KAT2A: variants seen among roughly 807,000 people sequenced by gnomAD.
KAT2A encodes histone acetyltransferase KAT2A.
Under a neutral mutation model 95.2 loss-of-function variants are expected in KAT2A, and 42 were observed. The observed-to-expected ratio is 0.44, with a 90% CI of 0.34 to 0.57. The LOEUF (loss-of-function observed/expected upper bound fraction) is 0.57, where lower values mean the gene tolerates loss of function less well. Among genes scored for constraint, KAT2A ranks in the 20% least tolerant of loss-of-function variants. KAT2A has a pLI of 0.01. For synonymous variants in KAT2A, 449 were observed against 448.2 expected (o/e 1.00, Z -0.02); for missense variants, 784 against 1,126.3 (o/e 0.70, Z 4.35).
In KAT2A at chr17:42,113,809, C is replaced by T. The variant is rs372224302; in HGVS notation, c.2354G>A (p.Arg785His). The change falls in exon 18 of 18, where the codon CGC becomes CAC. Residue 785 changes from arginine to histidine, a missense_variant. By Grantham distance (29) the Arg-to-His change is conservative. This residue lies in a region of KAT2A where 195 missense variants were observed against 247.1 expected (regional missense o/e 0.79). Coordinates refer to ENST00000225916, the MANE Select transcript of KAT2A (RefSeq NM_021078.3). ...AAAGAGCTTCCGGGTCACGTAGTAG[C>T]GGCTTCGCAGCCGCTCAGTCATGGT... Reference protein sequence around the residue: ...LKTMTERLRSRYYVTRKLFVA... With the variant: ...LKTMTERLRSHYYVTRKLFVA... 1.5e-5 allele frequency: 24 copies of T among 1,600,810 alleles called. No homozygotes were observed. Among genetic ancestry groups the T allele is most frequent in the African/African-American group, 5.4e-5 (4 of 73,778 alleles).
In KAT2A at chr17:42,117,295, A is replaced by T; in HGVS notation, c.1637+93T>A. 6.5e-7 allele frequency: 1 copy of T among 1,547,562 alleles called. No homozygotes were observed. Among genetic ancestry groups the T allele is most frequent in the Non-Finnish European group, 8.9e-7 (1 of 1,128,276 alleles). ...CAAAGGATGAACCTCAGAAGTGGGG[A>T]GCAGGGGATCCCCAATTTTGAGGAG... On this transcript the variant is annotated intron_variant, in intron 10 of 17. Coordinates refer to ENST00000225916, the MANE Select transcript of KAT2A (RefSeq NM_021078.3). The surrounding 1 kb of genome is among the most constrained non-coding windows in gnomAD (Gnocchi z 8.9).
At chr17:42,113,928 A>C in intron 17 of KAT2A, 72 bp downstream of exon 17, 2 of 1,478,994 alleles carry the variant, frequency 1.4e-6, no homozygotes, top group Non-Finnish European at 1.8e-6. Context: ...CTGGGGCTGC[A>C]GGGCGCAGTG....
chr17:42,114,446 A>C lies in KAT2A; in HGVS notation c.2134+44T>G. 5.6e-6 allele frequency: 9 copies of C among 1,612,996 alleles called. No individual in the cohort carries two copies. The highest frequency in any genetic ancestry group is 1.1e-5 in the South Asian group (1 of 91,058). ...CTCTAAGAATGCCAGTCCACACCCC[A>C]AGCATCGTGCCCCCACTACCCTGCA... On this transcript the variant is annotated intron_variant, in intron 14 of 17. Coordinates refer to ENST00000225916, the MANE Select transcript of KAT2A (RefSeq NM_021078.3). The surrounding 1 kb of genome is among the most constrained non-coding windows in gnomAD (Gnocchi z 6.0).
In KAT2A at chr17:42,113,777, C is replaced by A. The variant is rs1555665209; in HGVS notation, c.2386G>T (p.Asp796Tyr). 2 of 1,610,144 alleles carry A rather than the reference C, an allele frequency of 1.2e-6. No homozygotes were observed. The highest frequency in any genetic ancestry group is 2.2e-5 in the East Asian group (1 of 44,706). Residue 796 changes from aspartate to tyrosine, a missense_variant, in exon 18 of 18, where the codon GAC becomes TAC. Physicochemically the swap from Asp to Tyr is radical, Grantham distance 160. Coordinates refer to ENST00000225916, the MANE Select transcript of KAT2A (RefSeq NM_021078.3). The stretch of plus-strand genomic sequence containing the variant: ...CAGTTGGCGATGACCCGCTGCAGGT[C>A]GGCCACAAAGAGCTTCCGGGTCACG... ...YYVTRKLFVA[D>Y]LQRVIANCRE...
intron 7 of KAT2A, 57 bp downstream of exon 7, chr17:42,118,240 G>C: frequency 7.5e-7 from 1 of 1,341,492 alleles, no homozygotes; most frequent in South Asian, 1.2e-5. Flanking sequence ...TTCCACCCAG[G>C]AGGCTTAGCT....
chr17:42,120,879 G>T (rs782131973), intron 1 of KAT2A, 50 bp from the exon 2 acceptor site: 1 of 1,574,180 alleles, frequency 6.4e-7, no homozygotes, highest in Non-Finnish European at 8.6e-7. Context: ...GGCAAGAGCC[G>T]CTCCGCAGCC....
Position 42,120,724 on chromosome 17 carries a change from T to A in KAT2A, c.445A>T (p.Ser149Cys). ...GCCTTACCCAAGGGGTGCTCACAAC[T>A]GCGGCACAGCTCACTCAGGTTGGCA... The part of the protein sequence containing the change: ...PAANLSELCR[S>C]CEHPLADHVS... Residue 149 changes from serine (S) to cysteine (C), a missense_variant, in exon 2 of 18, where the codon AGT (serine) becomes TGT (cysteine). Physicochemically the swap from Ser to Cys is moderately radical, Grantham distance 112 (BLOSUM62 -1). Around this residue, in one of 6 missense-constraint regions of KAT2A, gnomAD observed 208 missense variants for 339.7 expected, o/e 0.61. Coordinates refer to ENST00000225916, the MANE Select transcript of KAT2A (RefSeq NM_021078.3). The A allele has an allele frequency of 6.2e-7, 1 of 1,614,104 alleles. No individual in the cohort carries two copies. The highest frequency in any genetic ancestry group is 8.5e-7 in the Non-Finnish European group (1 of 1,180,032).
rs1204999241 is a variant in KAT2A at position 42,121,254 on chromosome 17, C to T, written c.51G>A (p.Arg17=). The change falls in exon 1 of 18, where the codon CGG becomes CGA. Residue 17 remains arginine, a synonymous_variant. Transcript: ENST00000225916. ...GGGCAGGGGCTGGGGACTGAAGGGG[C>T]CGGGGCTGCGCAGCCGGGGCCGGGG... ...APTPAPAAQP[R]PLQSPAPAPT... 1.5e-6 allele frequency: 2 copies of T among 1,360,032 alleles called. No homozygotes were observed. Among genetic ancestry groups the T allele is most frequent in the African/African-American group, 3.1e-5 (2 of 64,624 alleles). 84.2% of individuals were successfully genotyped at this position (1,360,032 alleles called of 1,614,324 possible).
chr17:42,120,375 A>C lies in KAT2A; in HGVS notation c.464-5T>G, dbSNP rs2054318746. On this transcript the variant is annotated splice_polypyrimidine_tract_variant and splice_region_variant and intron_variant, in intron 2 of 17. Coordinates refer to ENST00000225916, the MANE Select transcript of KAT2A (RefSeq NM_021078.3). ...CCAAGTGGGATACGTGGTCAGCTGCAAGACAGATGGCAGAGTTAGGAAAAA... is the reference window on the plus strand; with the variant it reads ...CCAAGTGGGATACGTGGTCAGCTGCCAGACAGATGGCAGAGTTAGGAAAAA... 1.9e-6 allele frequency: 3 copies of C among 1,613,998 alleles called. No individual in the cohort carries two copies. The highest frequency in any genetic ancestry group is 1.7e-5 in the Admixed American group (1 of 59,998).
intron 7 of KAT2A, 49 bp from the exon 8 acceptor site, chr17:42,118,066 G>GAA: frequency 7.7e-7 from 1 of 1,303,268 alleles, no homozygotes; most frequent in Non-Finnish European, 1.1e-6. Context: ...GCTGAGGAGA[G>GAA]AGAGAGAGAA....
chr17:42,118,167 G>A (rs2054289392), intron 7 of KAT2A, 130 bp downstream of exon 7: 1 of 817,566 alleles, frequency 1.2e-6, no homozygotes, highest in Non-Finnish European at 2.0e-6. Context: ...AGGGACTGGG[G>A]GGGCTGAAGC....
rs782262359 is a variant in KAT2A, at chr17:42,117,919, C to T, written c.1279G>A (p.Glu427Lys). The T allele has an allele frequency of 8.1e-6, 13 of 1,603,792 alleles. No homozygotes were observed. The highest frequency in any genetic ancestry group is 1.3e-5 in the African/African-American group (1 of 74,736). Residue 427 changes from glutamate to lysine, a missense_variant, in exon 8 of 18, where the codon GAG (glutamate) becomes AAG (lysine). Physicochemically the swap from Glu to Lys is moderately conservative, Grantham distance 56. Coordinates refer to ENST00000225916, the MANE Select transcript of KAT2A (RefSeq NM_021078.3). This position sits in a 1 kb window ranked among gnomAD's most constrained non-coding sequence, Gnocchi z 8.9. ...SSLSLDSAGA[E>K]PMPGEKRTLP... ...GTCAAGTATCCACCTGGCATAGGCT[C>T]GGCCCCTGCAGAATCCAGACTCAGG...
Position 42,117,420 on chromosome 17 carries a change from A to G in KAT2A, c.1605T>C (p.Pro535=). ...AGACGAGGCGGGCGATATACTCCTT[A>G]GGCATGCGCGGCAGCTGGTGGGAAA... ...NVFSHQLPRM[P]KEYIARLVFD... is the part of the protein sequence containing the mutation. The change falls in exon 10 of 18, where the codon CCT becomes CCC. Residue 535 remains proline, a synonymous_variant. Transcript: ENST00000225916. This position sits in a 1 kb window ranked among gnomAD's most constrained non-coding sequence, Gnocchi z 8.9. 6.2e-7 allele frequency: 1 copy of G among 1,613,608 alleles called. No individual in the cohort carries two copies. The highest frequency in any genetic ancestry group is 8.5e-7 in the Non-Finnish European group (1 of 1,179,946).
In KAT2A at chr17:42,119,744, A is replaced by C; in HGVS notation, c.700-26T>G. 3 of 1,571,518 alleles carry C rather than the reference A, an allele frequency of 1.9e-6. No individual in the cohort carries two copies. Among genetic ancestry groups the C allele is most frequent in the Non-Finnish European group, 2.6e-6 (3 of 1,157,136 alleles). ...CTGAGAAGGGGTGGGTGGGGGATAA[A>C]ACCAGGAATGAGGTGTGAGCAGCCC... On this transcript the variant is annotated intron_variant, in intron 4 of 17. Coordinates refer to ENST00000225916, the MANE Select transcript of KAT2A (RefSeq NM_021078.3). The surrounding 1 kb of genome is among the most constrained non-coding windows in gnomAD (Gnocchi z 5.3).
rs782241709 is a variant in KAT2A, at chr17:42,114,404, G to A, written c.2135-10C>T. The A allele has an allele frequency of 6.2e-7, 1 of 1,613,948 alleles. No individual in the cohort carries two copies. The highest frequency in any genetic ancestry group is 8.5e-7 in the Non-Finnish European group (1 of 1,179,926). On this transcript the variant is annotated splice_polypyrimidine_tract_variant and intron_variant, in intron 14 of 17. Transcript: ENST00000225916. The surrounding 1 kb of genome is among the most constrained non-coding windows in gnomAD (Gnocchi z 6.0). ...TTCCAGCCTGTCTCTCCTGCAAAGT[G>A]GGAAGTGGGAGAATGTCTCTAAGAA...
rs369233541 is a variant in KAT2A at position 42,118,175 on chromosome 17, A to G, written c.1180+122T>C. 1,922 of 847,720 alleles carry G rather than the reference A, an allele frequency of 2.3e-3. 34 individuals carry two copies. In the South Asian group the frequency reaches 0.029, roughly 13 times the overall value. The allele number at this position is 847,720 out of a possible 1,614,324, so 52.5% of individuals were successfully genotyped here. ...AGAAGGCAGGGACTGGGGGGGCTGA[A>G]GCCGGTGGCAGGTCCCTCAGTGGGA... On this transcript the variant is annotated intron_variant, in intron 7 of 17. Transcript: ENST00000225916.
chr17:42,121,139 C>T lies in KAT2A; in HGVS notation c.166G>A (p.Gly56Ser), dbSNP rs2144045103. ...PAPAPAAAPA[G>S]STGTGGPGVG... Reference sequence around the variant, plus strand: ...CCGGGCCCCCCAGTCCCTGTGCTGCCGGCTGGGGCTGCAGCTGGGGCAGGG... The same window carrying T: ...CCGGGCCCCCCAGTCCCTGTGCTGCTGGCTGGGGCTGCAGCTGGGGCAGGG... Residue 56 changes from glycine to serine, a missense_variant, in exon 1 of 18, where the codon GGC (glycine) becomes AGC (serine). Transcript: ENST00000225916. 2.0e-6 allele frequency: 3 copies of T among 1,485,790 alleles called. No individual in the cohort carries two copies. The highest frequency in any genetic ancestry group is 2.7e-6 in the Non-Finnish European group (3 of 1,114,172). 92.0% of individuals were successfully genotyped at this position (1,485,790 alleles called of 1,614,324 possible). A position where few individuals can be genotyped will look rare whatever the true frequency, so the allele number is the denominator to read the frequency against.
In KAT2A at chr17:42,121,055, G is replaced by C. The variant is rs782223606; in HGVS notation, c.250C>G (p.Gln84Glu). 6.3e-7 allele frequency: 1 copy of C among 1,582,116 alleles called. No homozygotes were observed. Residue 84 changes from glutamine to glutamate, a missense_variant, in exon 1 of 18, where the codon CAG becomes GAG. By Grantham distance (29) the Gln-to-Glu change is conservative. Coordinates refer to ENST00000225916, the MANE Select transcript of KAT2A (RefSeq NM_021078.3). ...GCCTTCCTCTGACTGGCGCGCTGCTGCTGGCTCAGGCCAGGTCGAGCCGGA... is the reference window on the plus strand; with the variant it reads ...GCCTTCCTCTGACTGGCGCGCTGCTCCTGGCTCAGGCCAGGTCGAGCCGGA... ...GDPARPGLSQ[Q>E]QRASQRKAQV...
In KAT2A at chr17:42,117,890, AG is replaced by A. The variant is rs1236192841; in HGVS notation, c.1291+16del. The A allele has an allele frequency of 6.3e-7, 1 of 1,599,812 alleles. No individual in the cohort carries two copies. Among genetic ancestry groups the A allele is most frequent in the Non-Finnish European group, 8.5e-7 (1 of 1,170,134 alleles). ...AAGGAGTGAATGAGGGTCAGAGGTC[AG>A]GGGTCAAGTATCCACCTGGCATAGG... On this transcript the variant is annotated intron_variant, in intron 8 of 17. Coordinates refer to ENST00000225916, the MANE Select transcript of KAT2A (RefSeq NM_021078.3). The surrounding 1 kb of genome is among the most constrained non-coding windows in gnomAD (Gnocchi z 8.9).
Sources: gnomAD v4.1 joint callset for allele counts on GRCh38, gnomAD v4.1.1 for gene constraint, gnomAD v4.1.1 regional missense constraint, Gnocchi (gnomAD v3.1) non-coding constraint, MANE v1.5 for transcripts, NCBI Gene and HGNC (gene_info 2026-07-23, HGNC 2026-07-21) for gene names.